XPO6: variants seen among roughly 807,000 people sequenced by gnomAD.
XPO6 encodes the protein exportin 6.
Under a neutral mutation model 130.0 loss-of-function variants are expected in XPO6, and 3 were observed. The observed-to-expected ratio is 0.02, with a 90% CI of 0.01 to 0.06. XPO6 has a LOEUF of 0.06. Among genes scored for constraint, XPO6 ranks in the 10% least tolerant of loss-of-function variants. The pLI, the probability that XPO6 is intolerant of heterozygous loss-of-function variation, is 1.00. For synonymous variants in XPO6, 524 were observed against 548.9 expected, an observed-to-expected ratio of 0.95 and a Z score of 0.63; for missense variants, 970 against 1,393.0, an observed-to-expected ratio of 0.70 and a Z score of 4.83.
At chr16:28,185,100 G>T (rs925671512) in intron 1 of XPO6, among the ~76,000 whole-genome samples, 11 of 152,196 alleles carry the variant, frequency 7.2e-5, no homozygotes, top group African/African-American at 2.7e-4. Flanking sequence ...AATTAATATT[G>T]CTACATGCAA....
intron 12 of XPO6, among the ~76,000 whole-genome samples, chr16:28,130,483 TCA>T (rs1354717504): frequency 6.6e-6 from 1 of 152,180 alleles, no homozygotes; most frequent in African/African-American, 2.4e-5. Flanking sequence ...AAAAATGTAC[TCA>T]GAGTTTCCAT....
chr16:28,195,925 T>A (rs901435108), intron 1 of XPO6, among the ~76,000 whole-genome samples: 1 of 152,212 alleles, frequency 6.6e-6, no homozygotes, highest in Non-Finnish European at 1.5e-5. Context: ...TTAGGCTGGT[T>A]ATTTTTTTGA....
intron 4 of XPO6, 136 bp from the exon 5 acceptor site, chr16:28,170,045 C>T: frequency 8.3e-7 from 1 of 1,208,788 alleles, no homozygotes; most frequent in Non-Finnish European, 1.1e-6. Flanking sequence ...AGAAACATCA[C>T]TTAGAGGCCA....
At chr16:28,121,801 T>G in intron 13 of XPO6, 39 bp from the exon 14 acceptor site, 2 of 1,397,148 alleles carry the variant, frequency 1.4e-6, no homozygotes, top group Non-Finnish European at 2.0e-6. Context: ...ACATTCAGCT[T>G]ATGAACTAAG....
At chr16:28,195,746 C>T (rs184982433) in intron 1 of XPO6, among the ~76,000 whole-genome samples, 1 of 152,148 alleles carries the variant, frequency 6.6e-6, no homozygotes, top group East Asian at 1.9e-4. Flanking sequence ...GAGAGAGACT[C>T]GTCTCAAAAA....
In XPO6 at chr16:28,152,706, G is replaced by C; in HGVS notation, c.1177C>G (p.Pro393Ala). 6.2e-7 allele frequency: 1 copy of C among 1,613,098 alleles called. No homozygotes were observed. Among genetic ancestry groups the C allele is most frequent in the Non-Finnish European group, 8.5e-7 (1 of 1,179,672 alleles). The part of the protein sequence containing the change: ...LRRIESYSQF[P>A]VVEFLTLLFK... The stretch of plus-strand genomic sequence containing the variant: ...AAAAGTGTCAAAAACTCCACCACAG[G>C]GAACTGGGAGTAAGACTCGATTCTT... Residue 393 changes from proline to alanine, a missense_variant, in exon 8 of 24, where the codon CCT becomes GCT. Physicochemically the swap from Pro to Ala is conservative, Grantham distance 27. Transcript: ENST00000304658.
At chr16:28,161,614 G>C (rs2043280238) in intron 6 of XPO6, among the ~76,000 whole-genome samples, 1 of 151,566 alleles carries the variant, frequency 6.6e-6, no homozygotes, top group Admixed American at 6.6e-5. Context: ...TATGGTAAAA[G>C]CAGTAACAGC....
intron 9 of XPO6, among the ~76,000 whole-genome samples, chr16:28,142,723 A>G (rs2042916432): frequency 6.6e-6 from 1 of 152,126 alleles, no homozygotes; most frequent in Admixed American, 6.5e-5. Context: ...GGCATGCACC[A>G]CCATGCCTGG....
At chr16:28,119,997 C>G (rs1415067205) in intron 14 of XPO6, among the ~76,000 whole-genome samples, 1 of 152,104 alleles carries the variant, frequency 6.6e-6, no homozygotes, top group Non-Finnish European at 1.5e-5. Context: ...GCAAGTGCCA[C>G]CATGCCCGGC....
At chr16:28,181,700 T>C (rs762619472) in intron 1 of XPO6, among the ~76,000 whole-genome samples, 9 of 152,278 alleles carry the variant, frequency 5.9e-5, no homozygotes, top group Non-Finnish European at 1.0e-4. Context: ...TTGGAGGTTT[T>C]TGAAGGCATT....
intron 1 of XPO6, among the ~76,000 whole-genome samples, chr16:28,190,681 T>C (rs570949722): frequency 2.6e-5 from 4 of 152,300 alleles, no homozygotes; most frequent in East Asian, 3.9e-4. Context: ...GGTAGTAGGT[T>C]AGATCAAAGT....
At chr16:28,204,687 G>A (rs73525079) in intron 1 of XPO6, among the ~76,000 whole-genome samples, 1,817 of 152,174 alleles carry the variant, frequency 0.012, 33 homozygotes, top group African/African-American at 0.042. Context: ...AGAGTGTTCC[G>A]GCTATGAGAT....
At chr16:28,156,916 C>T (rs1407218916) in intron 6 of XPO6, among the ~76,000 whole-genome samples, 1 of 152,082 alleles carries the variant, frequency 6.6e-6, no homozygotes, top group Non-Finnish European at 1.5e-5. Context: ...ACTGTTCCCC[C>T]AAATCATGAC....
chr16:28,124,537 G>A (rs917234791), intron 13 of XPO6, among the ~76,000 whole-genome samples: 3 of 152,254 alleles, frequency 2.0e-5, no homozygotes, highest in South Asian at 2.1e-4. Flanking sequence ...TTTGGAAAGC[G>A]CACAACATGT....
intron 4 of XPO6, among the ~76,000 whole-genome samples, chr16:28,171,303 A>C (rs1018595251): frequency 3.3e-5 from 5 of 151,828 alleles, no homozygotes; most frequent in African/African-American, 7.3e-5. Context: ...AAATACAAAA[A>C]TTAGCCGGGT....
intron 6 of XPO6, among the ~76,000 whole-genome samples, chr16:28,158,915 A>G (rs1010309788): frequency 6.6e-6 from 1 of 152,208 alleles, no homozygotes; most frequent in Non-Finnish European, 1.5e-5. Flanking sequence ...TAGAGAAGAC[A>G]AAAGAAGAAA....
chr16:28,103,821 G>A (rs577953198), intron 21 of XPO6, among the ~76,000 whole-genome samples: 2 of 152,368 alleles, frequency 1.3e-5, no homozygotes, highest in African/African-American at 4.8e-5. Flanking sequence ...ATGCCTGTGT[G>A]CATGCTGTGT....
intron 14 of XPO6, among the ~76,000 whole-genome samples, chr16:28,119,773 T>G (rs1421644223): frequency 6.6e-6 from 1 of 152,204 alleles, no homozygotes; most frequent in Non-Finnish European, 1.5e-5. Context: ...AATGATATCA[T>G]AGTTAAAGAG....
intron 4 of XPO6, among the ~76,000 whole-genome samples, chr16:28,175,058 T>C (rs2043512306): frequency 6.6e-6 from 1 of 152,156 alleles, no homozygotes; most frequent in South Asian, 2.1e-4. Context: ...GAATTCACCA[T>C]CTTCTGCCCA....
Sources: allele counts gnomAD v4.1 joint callset (sites outside exome capture counted in the v4.1 genomes callset), GRCh38; gene constraint gnomAD v4.1.1; transcripts MANE v1.5; gene names NCBI Gene and HGNC (gene_info 2026-07-23, HGNC 2026-07-21).